The following CEP97 variants were observed in gnomAD, a reference collection of about 807,000 sequenced individuals.
CEP97 encodes centrosomal protein 97.
Under a neutral mutation model 73.1 loss-of-function variants are expected in CEP97, and 43 were observed. The ratio of observed to expected loss-of-function variants is 0.59; its 90% CI spans 0.46 to 0.76. CEP97 has a LOEUF of 0.76. Ranked by LOEUF, CEP97 falls within the 30% of genes least tolerant of loss-of-function variation. The pLI is 0.00. For missense variants in CEP97, 939 were observed against 1,014.0 expected (o/e 0.93, Z 1.00); for synonymous variants, 337 against 370.0 (o/e 0.91, Z 1.02).
chr3:101,744,243 A>G (rs548211714), intron 6 of CEP97, among the ~76,000 whole-genome samples: 32 of 152,196 alleles, frequency 2.1e-4, no homozygotes, highest in Admixed American at 1.0e-3. Context: ...AGCCCTATTC[A>G]TAATAGCACA....
In CEP97 at chr3:101,758,261, A is replaced by G. The variant is rs774724689; in HGVS notation, c.1655A>G (p.Lys552Arg). 46 of 1,614,064 alleles carry G rather than the reference A, an allele frequency of 2.8e-5. No individual in the cohort carries two copies. Among genetic ancestry groups the G allele is most frequent in the African/African-American group, 5.3e-5 (4 of 74,916 alleles). Reference sequence around the variant, plus strand: ...AGATCTGTTGCTTTGGGACAAGACAAAGTTGCCCTTCAGAAATTAAATGAT... The same window carrying G: ...AGATCTGTTGCTTTGGGACAAGACAGAGTTGCCCTTCAGAAATTAAATGAT... ...TQRSVALGQDKVALQKLNDAA... is the reference protein window; with the variant it reads ...TQRSVALGQDRVALQKLNDAA... Residue 552 changes from lysine (K) to arginine (R), a missense_variant, in exon 9 of 11, where the codon AAA (lysine) becomes AGA (arginine). Coordinates refer to ENST00000341893, the MANE Select transcript of CEP97 (RefSeq NM_024548.4).
chr3:101,725,000 T>G (rs1370070395), intron 1 of CEP97, among the ~76,000 whole-genome samples: 1 of 152,184 alleles, frequency 6.6e-6, no homozygotes, highest in Non-Finnish European at 1.5e-5. Flanking sequence ...GAGGAGGCGG[T>G]GGATTTCGGG....
chr3:101,731,742 A>T lies in CEP97; in HGVS notation c.448-98A>T. 14 of 673,086 alleles carry T rather than the reference A, an allele frequency of 2.1e-5. No homozygotes were observed. In the South Asian group the frequency reaches 2.6e-4, roughly 12 times the overall value. 41.7% of individuals were successfully genotyped at this position (673,086 alleles called of 1,614,324 possible). A position where few individuals can be genotyped will look rare whatever the true frequency, so the allele number is the denominator to read the frequency against. On this transcript the variant is annotated intron_variant, in intron 4 of 10. Transcript: ENST00000341893. ...TGTGATGAGAAATATAATAAAGTAG[A>T]TTCCTTTATTCTTATATGTACCATT...
chr3:101,756,497 G>T (rs754123815), intron 7 of CEP97, among the ~76,000 whole-genome samples: 1 of 151,370 alleles, frequency 6.6e-6, no homozygotes, highest in Non-Finnish European at 1.5e-5. Flanking sequence ...CCTTCAGTCC[G>T]TGCCTGTAGC....
At chr3:101,761,561 G>C (rs1205867076) in intron 9 of CEP97, among the ~76,000 whole-genome samples, 1 of 152,130 alleles carries the variant, frequency 6.6e-6, no homozygotes, top group Non-Finnish European at 1.5e-5. Context: ...AAAGGAGGGA[G>C]ATGAAGAATC....
In CEP97 at chr3:101,724,641, AG is replaced by A; in HGVS notation, c.-34del. The A allele has an allele frequency of 6.2e-7, 1 of 1,613,684 alleles. No individual in the cohort carries two copies. The highest frequency in any genetic ancestry group is 1.7e-5 in the Admixed American group (1 of 60,016). On this transcript the variant is annotated 5_prime_UTR_variant, in exon 1 of 11. Coordinates refer to ENST00000341893, the MANE Select transcript of CEP97 (RefSeq NM_024548.4). ...ATTACAAGCTCCACAGAGCCGCGGG[AG>A]GACGGTTGCCTGGTATTATTAGCAA...
rs575469948 is a variant in CEP97, at chr3:101,730,221, C to T, written c.447+1284C>T. On this transcript the variant is annotated intron_variant, in intron 4 of 10. Transcript: ENST00000341893. ...TACAGGCATGAGCCACCGAACTGGC[C>T]GAGTCTGTTTTTTTGTTTTGTTTTG... Among the ~76,000 whole-genome samples the T allele has an allele frequency of 2.2e-4, 33 of 147,904 alleles. No homozygotes were observed. In the South Asian group the frequency reaches 2.8e-3, roughly 12 times the overall value.
Position 101,733,445 on chromosome 3 carries a change from A to T in CEP97, c.728+791A>T, listed in dbSNP as rs547745033. Among the ~76,000 whole-genome samples the T allele has an allele frequency of 2.6e-5, 4 of 152,302 alleles. No homozygotes were observed. In the East Asian group the frequency reaches 7.7e-4, roughly 29 times the overall value. On this transcript the variant is annotated intron_variant, in intron 6 of 10. Transcript: ENST00000341893. ...AATTCTCCAAATACTCATTATAATG[A>T]TAACTCTGGGAAAATGCAGAGTTTT...
intron 6 of CEP97, among the ~76,000 whole-genome samples, chr3:101,735,174 T>A (rs972871924): frequency 6.6e-6 from 1 of 152,210 alleles, no homozygotes; most frequent in African/African-American, 2.4e-5. Flanking sequence ...AGAAAATATT[T>A]GTTGATTGGA....
Position 101,757,786 on chromosome 3 carries a change from T to A in CEP97, c.1180T>A (p.Leu394Ile). The change falls in exon 9 of 11, where the codon TTA becomes ATA. Residue 394 changes from leucine to isoleucine, a missense_variant. Leu to Ile is a conservative substitution (Grantham distance 5). Transcript: ENST00000341893. ...LEDIQTDEDK[L>I]NCSLLSSEST... ...AGACATACAGACGGATGAGGACAAGTTAAACTGTAGTCTTCTCTCTTCAGA... is the reference window on the plus strand; with the variant it reads ...AGACATACAGACGGATGAGGACAAGATAAACTGTAGTCTTCTCTCTTCAGA... 6.2e-7 allele frequency: 1 copy of A among 1,614,236 alleles called. No individual in the cohort carries two copies. Among genetic ancestry groups the A allele is most frequent in the Non-Finnish European group, 8.5e-7 (1 of 1,180,044 alleles).
chr3:101,731,802 T>C (rs952614010), intron 4 of CEP97, 38 bp from the exon 5 acceptor site: 1 of 1,182,908 alleles, frequency 8.5e-7, no homozygotes, highest in Non-Finnish European at 1.3e-6. Flanking sequence ...TTATTTGTAA[T>C]CTTTTCATTT....
intron 6 of CEP97, among the ~76,000 whole-genome samples, chr3:101,752,991 T>G (rs1938882817): frequency 6.6e-6 from 1 of 152,174 alleles, no homozygotes; most frequent in Non-Finnish European, 1.5e-5. Flanking sequence ...AGTTTCCAGT[T>G]TTTCTGCTCT....
At chr3:101,750,656 G>A (rs1393369635) in intron 6 of CEP97, among the ~76,000 whole-genome samples, 7 of 152,116 alleles carry the variant, frequency 4.6e-5, no homozygotes, top group African/African-American at 1.7e-4. Flanking sequence ...TGTATGTGTC[G>A]AGGAATTTAT....
rs751650810 is a variant in CEP97, at chr3:101,731,905, T to C, written c.513T>C (p.Ser171=). The C allele has an allele frequency of 9.3e-6, 15 of 1,611,868 alleles. No individual in the cohort carries two copies. Among genetic ancestry groups the C allele is most frequent in the Non-Finnish European group, 1.2e-5 (14 of 1,178,022 alleles). ...LRMAPAYLPR[S]LAILSLAENE... ...TGGCACCTGCTTACCTACCCAGAAG[T>C]CTTGCTATACTTTCTTTGGCAGAAA... Residue 171 remains serine, a synonymous_variant, in exon 5 of 11, where the codon AGT becomes AGC. Coordinates refer to ENST00000341893, the MANE Select transcript of CEP97 (RefSeq NM_024548.4).
In CEP97 at chr3:101,769,377, GT is replaced by G. The variant is rs1939404109; in HGVS notation, c.*3827del. The G allele has an allele frequency of 6.7e-6, 1 of 150,042 alleles. No individual in the cohort carries two copies. The highest frequency in any genetic ancestry group is 1.5e-5 in the Non-Finnish European group (1 of 67,628). The allele number at this position is 150,042 out of a possible 1,614,324, so 9.3% of individuals were successfully genotyped here. A position where few individuals can be genotyped will look rare whatever the true frequency, so the allele number is the denominator to read the frequency against. On this transcript the variant is annotated 3_prime_UTR_variant, in exon 11 of 11. Coordinates refer to ENST00000341893, the MANE Select transcript of CEP97 (RefSeq NM_024548.4). ...AGTTTCACTGTTGTCACCCAGGCTG[GT>G]CTCAGCTCACTGCAACCTCCACTTC...
chr3:101,766,057 C>G lies in CEP97; in HGVS notation c.*506C>G, dbSNP rs1463104231. ...CTGGTGTAAAATGTTTTTTTAAAGC[C>G]TTTTTTCCTCCTTTCGGAGTCAAGG... On this transcript the variant is annotated 3_prime_UTR_variant, in exon 11 of 11. Coordinates refer to ENST00000341893, the MANE Select transcript of CEP97 (RefSeq NM_024548.4). 6.6e-6 allele frequency: 1 copy of G among 151,946 alleles called. No homozygotes were observed. Among genetic ancestry groups the G allele is most frequent in the South Asian group, 2.1e-4 (1 of 4,828 alleles). 9.4% of individuals were successfully genotyped at this position (151,946 alleles called of 1,614,324 possible).
intron 6 of CEP97, among the ~76,000 whole-genome samples, chr3:101,744,804 T>C (rs1429757268): frequency 6.6e-6 from 1 of 152,228 alleles, no homozygotes; most frequent in Non-Finnish European, 1.5e-5. Flanking sequence ...GAAAATATTT[T>C]CCTGGTCAAC....
intron 4 of CEP97, 43 bp downstream of exon 4, chr3:101,728,980 A>G: frequency 9.1e-7 from 1 of 1,104,022 alleles, no homozygotes; most frequent in Non-Finnish European, 1.4e-6. Flanking sequence ...TTATAGCAAA[A>G]TACCAAGAGA....
In CEP97 at chr3:101,726,639, C is replaced by T. The variant is rs747360094; in HGVS notation, c.89C>T (p.Pro30Leu). The change falls in exon 2 of 11, where the codon CCA becomes CTA. Residue 30 changes from proline to leucine, a missense_variant. Transcript: ENST00000341893. ...WSGQGLQKLGPNLPCEADIHT... is the reference protein window; with the variant it reads ...WSGQGLQKLGLNLPCEADIHT... Reference sequence around the variant, plus strand: ...GGACAGGGACTACAGAAATTAGGTCCAAATTTACCCTGTGAAGCTGATATT... The same window carrying T: ...GGACAGGGACTACAGAAATTAGGTCTAAATTTACCCTGTGAAGCTGATATT... 5.0e-6 allele frequency: 8 copies of T among 1,610,358 alleles called. No homozygotes were observed. The highest frequency in any genetic ancestry group is 5.9e-6 in the Non-Finnish European group (7 of 1,177,644).
Sources: allele counts gnomAD v4.1 joint callset (sites outside exome capture counted in the v4.1 genomes callset), GRCh38; gene constraint gnomAD v4.1.1; transcripts MANE v1.5; gene names NCBI Gene and HGNC (gene_info 2026-07-23, HGNC 2026-07-21).